COTL1: variants seen among roughly 807,000 people sequenced by gnomAD.
The protein encoded by COTL1 is coactosin-like protein.
COTL1 carries 15 observed loss-of-function variants against 16.5 expected under a neutral mutation model. That is an observed-to-expected ratio of 0.91 (90% CI 0.61 to 1.40). The LOEUF (loss-of-function observed/expected upper bound fraction) is 1.40, where lower values mean the gene tolerates loss of function less well. COTL1 is among the 40% of genes most tolerant of loss of function. The probability of loss-of-function intolerance (pLI) is 0.00; values close to 1 mark genes in which losing one functional copy is unlikely to be tolerated. For synonymous variants in COTL1, 112 were observed against 85.3 expected (o/e 1.31, Z -1.73); for missense variants, 220 against 201.5 (o/e 1.09, Z -0.56).
intron 2 of COTL1, among the ~76,000 whole-genome samples, chr16:84,598,905 T>C (rs1905060161): frequency 6.8e-6 from 1 of 147,754 alleles, no homozygotes; most frequent in Non-Finnish European, 1.5e-5. Flanking sequence ...GGGATGGGGA[T>C]GTGGGAGAAA....
chr16:84,608,722 A>T (rs770524652), intron 2 of COTL1, among the ~76,000 whole-genome samples: 6 of 152,180 alleles, frequency 3.9e-5, no homozygotes, highest in Non-Finnish European at 8.8e-5. Flanking sequence ...CCTGGACAAC[A>T]TAGTGAAACC....
chr16:84,577,703 C>T (rs1269489404), intron 3 of COTL1, among the ~76,000 whole-genome samples: 5 of 152,174 alleles, frequency 3.3e-5, no homozygotes, highest in Non-Finnish European at 1.5e-5. Context: ...ACTTGAGGAA[C>T]AAAAGCCAAG....
rs192499295 is a variant in COTL1 at position 84,616,699 on chromosome 16, G to C, written c.160+802C>G. Among the ~76,000 whole-genome samples, 168 of 152,194 alleles carry C rather than the reference G, an allele frequency of 1.1e-3. 1 individual carries two copies. The highest frequency in any genetic ancestry group is 3.9e-3 in the African/African-American group (164 of 41,526). On this transcript the variant is annotated intron_variant, in intron 2 of 3. Transcript: ENST00000262428. ...ACATCACAGAGCCTCTGCCACTACC[G>C]AAGGGTTTATGGCGATGCCTGCCAC... is the stretch of plus-strand genomic sequence containing the variant.
chr16:84,617,698 G>T (rs1905533767), intron 1 of COTL1, 115 bp from the exon 2 acceptor site: 1 of 1,372,124 alleles, frequency 7.3e-7, no homozygotes, highest in Non-Finnish European at 1.0e-6. Flanking sequence ...AGCCCGCGGG[G>T]GCCTGGCACG....
intron 2 of COTL1, among the ~76,000 whole-genome samples, chr16:84,608,346 C>G (rs1597185371): frequency 6.6e-6 from 1 of 152,164 alleles, no homozygotes; most frequent in African/African-American, 2.4e-5. Flanking sequence ...ACTGTACTTA[C>G]CAGGAAGATA....
At chr16:84,615,874 T>TGTGTGTGTGC (rs758726305) in intron 2 of COTL1, 2 of 151,450 alleles carry the variant, frequency 1.3e-5, no homozygotes, top group South Asian at 4.2e-4. Flanking sequence ...TGTGTGTGTG[T>TGTGTGTGTGC]GTGCGCGCAC....
chr16:84,601,367 C>T (rs762938433), intron 2 of COTL1, among the ~76,000 whole-genome samples: 3 of 152,198 alleles, frequency 2.0e-5, no homozygotes, highest in Non-Finnish European at 2.9e-5. Context: ...CTGGCAGTTA[C>T]AGGAGCATCA....
chr16:84,596,230 A>C (rs1406523129), intron 2 of COTL1: 1 of 152,252 alleles, frequency 6.6e-6, no homozygotes, highest in Non-Finnish European at 1.5e-5. Flanking sequence ...TGGAGCCCTC[A>C]GCACAGGGGA....
At position 84,590,190 on chromosome 16, in the gene COTL1, A is replaced by G; in HGVS notation, c.233T>C (p.Leu78Pro). 6.2e-7 allele frequency: 1 copy of G among 1,614,152 alleles called. No individual in the cohort carries two copies. The highest frequency in any genetic ancestry group is 2.2e-5 in the East Asian group (1 of 44,882). Reference protein sequence around the residue: ...DAMSKRSKFALITWIGENVSG... With the variant: ...DAMSKRSKFAPITWIGENVSG... ...GACGTTCTCACCGATCCACGTGATG[A>G]GGGCAAACTTGGACCTCTTGCTCAT... The change falls in exon 3 of 4, where the codon CTC becomes CCC. Residue 78 changes from leucine (L) to proline (P), a missense_variant. By Grantham distance (98) the Leu-to-Pro change is moderately conservative (BLOSUM62 -3). Coordinates refer to ENST00000262428, the MANE Select transcript of COTL1 (RefSeq NM_021149.5). This position sits in a 1 kb window ranked among gnomAD's most constrained non-coding sequence, Gnocchi z 5.5.
At chr16:84,612,252 A>T (rs1905346312) in intron 2 of COTL1, among the ~76,000 whole-genome samples, 1 of 152,152 alleles carries the variant, frequency 6.6e-6, no homozygotes, top group African/African-American at 2.4e-5. Flanking sequence ...CATGAATGGC[A>T]GGTATTTGAA....
intron 2 of COTL1, among the ~76,000 whole-genome samples, chr16:84,604,734 G>GA (rs1432000161): frequency 6.6e-6 from 1 of 152,174 alleles, no homozygotes; most frequent in Admixed American, 6.5e-5. Context: ...GGCTGTAGGG[G>GA]TCACACAGGG....
chr16:84,590,997 C>T lies in COTL1; in HGVS notation c.161-735G>A, dbSNP rs1008022056. On this transcript the variant is annotated intron_variant, in intron 2 of 3. Coordinates refer to ENST00000262428, the MANE Select transcript of COTL1 (RefSeq NM_021149.5). The surrounding 1 kb of genome is among the most constrained non-coding windows in gnomAD (Gnocchi z 5.5). Reference sequence around the variant, plus strand: ...ATTGGCTGTGTTATGCTTGTTCTATCTTATATAGTCATTTTTATTAAAATG... The same window carrying T: ...ATTGGCTGTGTTATGCTTGTTCTATTTTATATAGTCATTTTTATTAAAATG... Among the ~76,000 whole-genome samples, 4 of 152,126 alleles carry T rather than the reference C, an allele frequency of 2.6e-5. No individual in the cohort carries two copies. The highest frequency in any genetic ancestry group is 9.7e-5 in the African/African-American group (4 of 41,416).
At chr16:84,609,725 T>C (rs1010640532) in intron 2 of COTL1, among the ~76,000 whole-genome samples, 1 of 152,166 alleles carries the variant, frequency 6.6e-6, no homozygotes, top group East Asian at 1.9e-4. Flanking sequence ...CCCCATACTG[T>C]TTTGGTGATA....
At chr16:84,608,830 G>A (rs1343035588) in intron 2 of COTL1, among the ~76,000 whole-genome samples, 1 of 152,184 alleles carries the variant, frequency 6.6e-6, no homozygotes, top group African/African-American at 2.4e-5. Context: ...CGCCTGAGCT[G>A]GGAGGCAGAG....
chr16:84,587,803 AT>A (rs1258037776), intron 3 of COTL1, among the ~76,000 whole-genome samples: 1 of 151,788 alleles, frequency 6.6e-6, no homozygotes, highest in Non-Finnish European at 1.5e-5. Context: ...TATTTTATTT[AT>A]TTTTTTGGAG....
At chr16:84,609,582 C>G (rs981982900) in intron 2 of COTL1, among the ~76,000 whole-genome samples, 16 of 152,256 alleles carry the variant, frequency 1.1e-4, no homozygotes, top group African/African-American at 3.9e-4. Flanking sequence ...TTAAGGGCCT[C>G]TTCCTCTCCA....
intron 2 of COTL1, chr16:84,594,628 T>A (rs746295822): frequency 2.0e-5 from 3 of 152,138 alleles, no homozygotes; most frequent in Non-Finnish European, 4.4e-5. Context: ...AAGAACACGG[T>A]GAGTGTGTTT....
chr16:84,600,700 C>T (rs1182208600), intron 2 of COTL1, among the ~76,000 whole-genome samples: 1 of 152,170 alleles, frequency 6.6e-6, no homozygotes, highest in Non-Finnish European at 1.5e-5. Flanking sequence ...ACTGTAAATG[C>T]GGTTTGATAT....
At chr16:84,587,136 A>T (rs1904752322) in intron 3 of COTL1, among the ~76,000 whole-genome samples, 2 of 152,172 alleles carry the variant, frequency 1.3e-5, no homozygotes, top group Admixed American at 1.3e-4. Flanking sequence ...TTAACCATTA[A>T]AACCCAACTG....
Sources: allele counts gnomAD v4.1 joint callset (sites outside exome capture counted in the v4.1 genomes callset), GRCh38; gene constraint gnomAD v4.1.1; non-coding constraint Gnocchi (gnomAD v3.1); transcripts MANE v1.5; gene names NCBI Gene and HGNC (gene_info 2026-07-23, HGNC 2026-07-21).